The following AVPI1 variants were observed in gnomAD, a reference collection of about 807,000 sequenced individuals.
The protein encoded by AVPI1 is arginine vasopressin induced 1.
AVPI1 carries 9 observed loss-of-function variants against 11.9 expected under a neutral mutation model. The observed-to-expected ratio is 0.76, with a 90% CI of 0.46 to 1.32. The LOEUF (loss-of-function observed/expected upper bound fraction) is 1.32, where lower values mean the gene tolerates loss of function less well. AVPI1 is among the 40% of genes most tolerant of loss of function. The pLI, the probability that AVPI1 is intolerant of heterozygous loss-of-function variation, is 0.00. For synonymous variants in AVPI1, 68 were observed against 78.1 expected, an observed-to-expected ratio of 0.87 and a Z score of 0.68; for missense variants, 207 against 195.8, an observed-to-expected ratio of 1.06 and a Z score of -0.34.
chr10:97,680,010 C>T, intron 1 of AVPI1, 95 bp from the exon 2 acceptor site: 1 of 1,199,836 alleles, frequency 8.3e-7, no homozygotes, highest in East Asian at 2.6e-5. Context: ...TGTTTCCATT[C>T]TCCAAGAGCT....
intron 1 of AVPI1, among the ~76,000 whole-genome samples, chr10:97,681,019 G>A (rs941891002): frequency 1.1e-4 from 17 of 151,652 alleles, no homozygotes; most frequent in African/African-American, 4.1e-4. Context: ...GGCCTAAGAA[G>A]CTTACCCACC....
At chr10:97,678,518 AC>A (rs1230449755) in intron 2 of AVPI1, among the ~76,000 whole-genome samples, 1 of 152,010 alleles carries the variant, frequency 6.6e-6, no homozygotes, top group Admixed American at 6.6e-5. Context: ...CTTTGGGTTC[AC>A]TCTTCCTGGG....
At chr10:97,683,607 A>G (rs962149411) in intron 1 of AVPI1, among the ~76,000 whole-genome samples, 1 of 152,158 alleles carries the variant, frequency 6.6e-6, no homozygotes, top group Non-Finnish European at 1.5e-5. Context: ...GAATTATCCC[A>G]CCTGGTGGAG....
chr10:97,678,954 T>TCA (rs1564779919), intron 2 of AVPI1, among the ~76,000 whole-genome samples: 1,213 of 43,048 alleles, frequency 0.028, 187 homozygotes, highest in South Asian at 0.067. Context: ...TGTGTGTGTG[T>TCA]GTGTGTGTGT....
Position 97,683,454 on chromosome 10 carries a change from C to T in AVPI1, c.-11+3312G>A, listed in dbSNP as rs557700982. Among the ~76,000 whole-genome samples, 8 of 152,338 alleles carry T rather than the reference C, an allele frequency of 5.3e-5. No homozygotes were observed. In the South Asian group the frequency reaches 8.3e-4, roughly 16 times the overall value. ...GATTACAGGTGTGAGCCACTGCGCC[C>T]GGTCAGCCCACGCTTTTAAACCCCC... On this transcript the variant is annotated intron_variant, in intron 1 of 2. Coordinates refer to ENST00000370626, the MANE Select transcript of AVPI1 (RefSeq NM_021732.3).
At chr10:97,678,942 T>G (rs2041684709) in intron 2 of AVPI1, among the ~76,000 whole-genome samples, 2 of 51,966 alleles carry the variant, frequency 3.8e-5, no homozygotes, top group Admixed American at 5.1e-4. Context: ...TGTGTGTGTG[T>G]GTGTGTGTGT....
At chr10:97,681,911 GA>G (rs1168272168) in intron 1 of AVPI1, among the ~76,000 whole-genome samples, 26 of 138,402 alleles carry the variant, frequency 1.9e-4, no homozygotes, top group Admixed American at 1.4e-3. Flanking sequence ...AAAAAAAAAA[GA>G]AAAAAAGAAT....
In AVPI1 at chr10:97,679,053, G is replaced by A. The variant is rs139774311; in HGVS notation, c.287+566C>T. On this transcript the variant is annotated intron_variant, in intron 2 of 2. Transcript: ENST00000370626. ...CCCAGGCTGGTAAGCTGAGAATAAC[G>A]GCAGAATGAGGTGATGCTACTAGGA... Among the ~76,000 whole-genome samples, 324 of 144,738 alleles carry A rather than the reference G, an allele frequency of 2.2e-3. 9 individuals carry two copies. In the East Asian group the frequency reaches 0.063, roughly 28 times the overall value. The allele number at this position is 144,738 out of a possible 152,430, so 95.0% of individuals were successfully genotyped here. A position where few individuals can be genotyped will look rare whatever the true frequency, so the allele number is the denominator to read the frequency against.
At chr10:97,680,571 T>C (rs2041698976) in intron 1 of AVPI1, among the ~76,000 whole-genome samples, 1 of 152,192 alleles carries the variant, frequency 6.6e-6, no homozygotes, top group South Asian at 2.1e-4. Context: ...ACTTACTGGC[T>C]GGGCATCCCC....
At chr10:97,678,578 A>G (rs963887235) in intron 2 of AVPI1, among the ~76,000 whole-genome samples, 1 of 152,046 alleles carries the variant, frequency 6.6e-6, no homozygotes, top group Non-Finnish European at 1.5e-5. Flanking sequence ...GACTGGGGAG[A>G]GATCTCAAGG....
chr10:97,683,422 G>C (rs1162371075), intron 1 of AVPI1, among the ~76,000 whole-genome samples: 1 of 152,242 alleles, frequency 6.6e-6, no homozygotes, highest in Non-Finnish European at 1.5e-5. Context: ...GCCTCCCAAA[G>C]TGTTGTGATT....
At chr10:97,679,972 G>T in intron 1 of AVPI1, 57 bp from the exon 2 acceptor site, 1 of 1,429,078 alleles carries the variant, frequency 7.0e-7, no homozygotes, top group Non-Finnish European at 9.3e-7. Flanking sequence ...CCAGACCTGG[G>T]GGTCCTGGCT....
chr10:97,683,016 C>G (rs1274550818), intron 1 of AVPI1, among the ~76,000 whole-genome samples: 1 of 152,218 alleles, frequency 6.6e-6, no homozygotes, highest in African/African-American at 2.4e-5. Flanking sequence ...GTATGATATC[C>G]TTTAATCCTC....
intron 1 of AVPI1, 43 bp from the exon 2 acceptor site, chr10:97,679,958 C>T (rs1168093884): frequency 1.4e-6 from 2 of 1,471,782 alleles, no homozygotes; most frequent in Non-Finnish European, 1.8e-6. Context: ...TCAGCTGGTC[C>T]TTCCCAGACC....
At chr10:97,684,780 G>A (rs1032008416) in intron 1 of AVPI1, among the ~76,000 whole-genome samples, 30 of 152,034 alleles carry the variant, frequency 2.0e-4, no homozygotes, top group South Asian at 2.1e-4. Context: ...GATTATAGGC[G>A]TGAGCCACCA....
chr10:97,678,224 C>T (rs117169519), intron 2 of AVPI1, among the ~76,000 whole-genome samples, 199 bp from the exon 3 acceptor site: 1,648 of 152,308 alleles, frequency 0.011, 11 homozygotes, highest in Non-Finnish European at 0.017. Context: ...AAGGGTTGGA[C>T]CAGATCAGGT....
rs770933514 is a variant in AVPI1, at chr10:97,679,773, G to T, written c.133C>A (p.Arg45Ser). The change falls in exon 2 of 3, where the codon CGC (arginine) becomes AGC (serine). Residue 45 changes from arginine to serine, a missense_variant. By Grantham distance (110) the Arg-to-Ser change is moderately radical (BLOSUM62 -1). Coordinates refer to ENST00000370626, the MANE Select transcript of AVPI1 (RefSeq NM_021732.3). Reference protein sequence around the residue: ...ELLQIQALFQRSGDQLAEERA... With the variant: ...ELLQIQALFQSSGDQLAEERA... ...TCCTCGGCCAGCTGGTCCCCGCTGC[G>T]TTGAAACAGGGCTTGGATCTGCAGC... 6.2e-7 allele frequency: 1 copy of T among 1,614,062 alleles called. No homozygotes were observed. Among genetic ancestry groups the T allele is most frequent in the Non-Finnish European group, 8.5e-7 (1 of 1,180,032 alleles).
intron 1 of AVPI1, among the ~76,000 whole-genome samples, chr10:97,682,919 CAAG>C (rs2041711595): frequency 6.6e-6 from 1 of 152,142 alleles, no homozygotes; most frequent in South Asian, 2.1e-4. Context: ...CACACTGTGA[CAAG>C]AAGACAACAG....
intron 1 of AVPI1, among the ~76,000 whole-genome samples, chr10:97,685,502 G>C (rs2041724362): frequency 1.3e-5 from 2 of 152,144 alleles, no homozygotes; most frequent in African/African-American, 4.8e-5. Flanking sequence ...CAACTCCTAG[G>C]TCCTCATGCA....
Sources: gnomAD v4.1 joint callset for allele counts (sites outside exome capture counted in the v4.1 genomes callset) on GRCh38, gnomAD v4.1.1 for gene constraint, MANE v1.5 for transcripts, NCBI Gene and HGNC (gene_info 2026-07-23, HGNC 2026-07-21) for gene names.